Variants in AP1M1 observed in about 807,000 individuals in gnomAD.
AP1M1 encodes adaptor related protein complex 1 subunit mu 1.
In AP1M1, 18 loss-of-function variants were observed where a neutral mutation model predicts 57.1. The observed-to-expected ratio is 0.32, with a 90% CI of 0.22 to 0.47. AP1M1 has a LOEUF of 0.47. Among genes scored for constraint, AP1M1 ranks in the 20% least tolerant of loss-of-function variants. The probability of loss-of-function intolerance (pLI) is 1.00; values close to 1 mark genes in which losing one functional copy is unlikely to be tolerated. For missense variants in AP1M1, 362 were observed against 593.5 expected (o/e 0.61, Z 4.05); for synonymous variants, 241 against 237.9 (o/e 1.01, Z -0.12).
chr19:16,219,559 G>A (rs1186183621), intron 5 of AP1M1, among the ~76,000 whole-genome samples: 11 of 151,970 alleles, frequency 7.2e-5, no homozygotes, highest in Non-Finnish European at 1.3e-4. Flanking sequence ...CACCATGCCC[G>A]GCTAATTTTT....
At chr19:16,224,248 G>A (rs1189513727) in intron 5 of AP1M1, among the ~76,000 whole-genome samples, 2 of 152,254 alleles carry the variant, frequency 1.3e-5, no homozygotes, top group Non-Finnish European at 2.9e-5. Context: ...CGAAAACAGG[G>A]TCCATCTGGG....
At chr19:16,231,089 C>G (rs1339575238) in intron 9 of AP1M1, among the ~76,000 whole-genome samples, 1 of 151,866 alleles carries the variant, frequency 6.6e-6, no homozygotes, top group African/African-American at 2.4e-5. Context: ...GAGATCAAGA[C>G]CATCCTGGCT....
In AP1M1 at chr19:16,228,109, T is replaced by C. The variant is rs746300730; in HGVS notation, c.817-28T>C. 6.2e-7 allele frequency: 1 copy of C among 1,612,156 alleles called. No individual in the cohort carries two copies. The highest frequency in any genetic ancestry group is 2.2e-5 in the East Asian group (1 of 44,850). On this transcript the variant is annotated intron_variant, in intron 7 of 11. Coordinates refer to ENST00000291439, the MANE Select transcript of AP1M1 (RefSeq NM_032493.4). The surrounding 1 kb of genome is among the most constrained non-coding windows in gnomAD (Gnocchi z 5.0). The stretch of plus-strand genomic sequence containing the variant: ...GGCCTTTGTCAAACAAGGCCAGGTG[T>C]GAGCACCCTCTTTGCCCTCCTTGGC...
intron 1 of AP1M1, among the ~76,000 whole-genome samples, chr19:16,202,064 G>A (rs76854104): frequency 0.012 from 1,802 of 152,248 alleles, 44 homozygotes; most frequent in African/African-American, 0.041. Flanking sequence ...AGCAGGGGGA[G>A]GGGCTGTTCC....
In AP1M1 at chr19:16,207,984, C is replaced by CCT. The variant is rs1296555945; in HGVS notation, c.268-33_268-32dup. On this transcript the variant is annotated intron_variant, in intron 3 of 11. Coordinates refer to ENST00000291439, the MANE Select transcript of AP1M1 (RefSeq NM_032493.4). The surrounding 1 kb of genome is among the most constrained non-coding windows in gnomAD (Gnocchi z 4.2). Reference sequence around the variant, plus strand: ...CCTCATCCGTCCGCTCAATGATCTGCCTCCCATTCCTCCCTCCCTCCCCAA... The same window carrying CCT: ...CCTCATCCGTCCGCTCAATGATCTGCCTCTCCCATTCCTCCCTCCCTCCCCAA... The CCT allele has an allele frequency of 3.1e-6, 5 of 1,594,486 alleles. No homozygotes were observed. Among genetic ancestry groups the CCT allele is most frequent in the Admixed American group, 3.5e-5 (2 of 57,072 alleles).
chr19:16,197,982 C>CGCCGCCACCGCCCTCGGCCGCTGCT lies in AP1M1; in HGVS notation c.-21_-20insTGCCGCCACCGCCCTCGGCCGCTGC. 1.3e-6 allele frequency: 2 copies of CGCCGCCACCGCCCTCGGCCGCTGCT among 1,531,754 alleles called. No individual in the cohort carries two copies. Among genetic ancestry groups the CGCCGCCACCGCCCTCGGCCGCTGCT allele is most frequent in the Non-Finnish European group, 1.8e-6 (2 of 1,139,444 alleles). The allele number at this position is 1,531,754 out of a possible 1,614,324, so 94.9% of individuals were successfully genotyped here. A position where few individuals can be genotyped will look rare whatever the true frequency, so the allele number is the denominator to read the frequency against. The stretch of plus-strand genomic sequence containing the variant: ...GCCCAGCAGTCCCCACCGTCGCTGC[C>CGCCGCCACCGCCCTCGGCCGCTGCT]GCCGCCACCGCCCTCGGCCGCTGCC... On this transcript the variant is annotated 5_prime_UTR_variant, in exon 1 of 12. Coordinates refer to ENST00000291439, the MANE Select transcript of AP1M1 (RefSeq NM_032493.4).
intron 9 of AP1M1, among the ~76,000 whole-genome samples, chr19:16,230,920 T>C (rs1332541814): frequency 6.6e-6 from 1 of 152,088 alleles, no homozygotes; most frequent in African/African-American, 2.4e-5. Context: ...ATCAAGTTGA[T>C]GACAACCACA....
intron 9 of AP1M1, 29 bp from the exon 10 acceptor site, chr19:16,233,464 C>A: frequency 6.4e-7 from 1 of 1,570,404 alleles, no homozygotes. Flanking sequence ...AGGGCCTAGG[C>A]CTGAGCGCCT....
chr19:16,224,832 G>A (rs1450344832), intron 5 of AP1M1, among the ~76,000 whole-genome samples: 1 of 152,090 alleles, frequency 6.6e-6, no homozygotes, highest in East Asian at 1.9e-4. Flanking sequence ...CAATGCTCGG[G>A]CTCCTGGAGC....
chr19:16,223,033 TAA>T (rs1261958368), intron 5 of AP1M1, among the ~76,000 whole-genome samples: 14 of 152,166 alleles, frequency 9.2e-5, no homozygotes, highest in Non-Finnish European at 2.1e-4. Flanking sequence ...GTATGCTGAG[TAA>T]TTTTGGATTG....
chr19:16,225,413 C>T (rs1045286100), intron 5 of AP1M1, among the ~76,000 whole-genome samples: 1 of 152,218 alleles, frequency 6.6e-6, no homozygotes, highest in African/African-American at 2.4e-5. Flanking sequence ...AGGGCTGCAG[C>T]CCCAGCGATT....
chr19:16,225,831 G>A (rs926551250), intron 5 of AP1M1, among the ~76,000 whole-genome samples: 4 of 152,082 alleles, frequency 2.6e-5, no homozygotes, highest in Admixed American at 2.6e-4. Context: ...ATAAGCCCTG[G>A]GGGGTGAGGG....
In AP1M1 at chr19:16,197,975, T is replaced by TCGCTGCCGCCGCCGCCGCCCTCGGC; in HGVS notation, c.-39_-38insGCCGCCCTCGGCCGCTGCCGCCGCC. ...GCTCAACGCCCAGCAGTCCCCACCG[T>TCGCTGCCGCCGCCGCCGCCCTCGGC]CGCTGCCGCCGCCACCGCCCTCGGC... On this transcript the variant is annotated 5_prime_UTR_variant, in exon 1 of 12. Coordinates refer to ENST00000291439, the MANE Select transcript of AP1M1 (RefSeq NM_032493.4). 6.9e-7 allele frequency: 1 copy of TCGCTGCCGCCGCCGCCGCCCTCGGC among 1,451,820 alleles called. No individual in the cohort carries two copies. The highest frequency in any genetic ancestry group is 9.2e-7 in the Non-Finnish European group (1 of 1,087,934). 89.9% of individuals were successfully genotyped at this position (1,451,820 alleles called of 1,614,324 possible). A position where few individuals can be genotyped will look rare whatever the true frequency, so the allele number is the denominator to read the frequency against.
In AP1M1 at chr19:16,245,309, T is replaced by G. The variant is rs1231801514; in HGVS notation, c.*10874T>G. 2.0e-5 allele frequency: 3 copies of G among 151,978 alleles called. No individual in the cohort carries two copies. Among genetic ancestry groups the G allele is most frequent in the Admixed American group, 6.6e-5 (1 of 15,186 alleles). The allele number at this position is 151,978 out of a possible 1,614,324, so 9.4% of individuals were successfully genotyped here. Reference sequence around the variant, plus strand: ...TTTGTTTTGTTTTTTTGAGACAGAGTCTCACTCTGTCGCCCAGGCTGGAGT... The same window carrying G: ...TTTGTTTTGTTTTTTTGAGACAGAGGCTCACTCTGTCGCCCAGGCTGGAGT... On this transcript the variant is annotated 3_prime_UTR_variant, in exon 12 of 12. Transcript: ENST00000291439.
intron 9 of AP1M1, among the ~76,000 whole-genome samples, chr19:16,230,077 G>A (rs1174638511): frequency 6.6e-6 from 1 of 152,250 alleles, no homozygotes; most frequent in Non-Finnish European, 1.5e-5. Context: ...ATGGTGAGCT[G>A]TAGACGGGGG....
chr19:16,218,488 G>A (rs1042246013), intron 5 of AP1M1, among the ~76,000 whole-genome samples: 2 of 152,160 alleles, frequency 1.3e-5, no homozygotes, highest in African/African-American at 4.8e-5. Flanking sequence ...AGCCAGGAAT[G>A]ATTCCTGGTG....
At position 16,234,636 on chromosome 19, in the gene AP1M1, G is replaced by A. The variant is rs373218469; in HGVS notation, c.*201G>A. The A allele has an allele frequency of 4.7e-6, 3 of 632,922 alleles. No individual in the cohort carries two copies. The highest frequency in any genetic ancestry group is 3.7e-5 in the African/African-American group (2 of 54,542). 39.2% of individuals were successfully genotyped at this position (632,922 alleles called of 1,614,324 possible). A position where few individuals can be genotyped will look rare whatever the true frequency, so the allele number is the denominator to read the frequency against. ...AGAAGCCCCTTTCCCAGAAGAGGCT[G>A]GTCTTCAAGAAGTCTCGTTTCTTTG... is the stretch of plus-strand genomic sequence containing the variant. On this transcript the variant is annotated 3_prime_UTR_variant, in exon 12 of 12. Transcript: ENST00000291439.
rs1374657394 is a variant in AP1M1 at position 16,241,525 on chromosome 19, G to C, written c.*7090G>C. On this transcript the variant is annotated 3_prime_UTR_variant, in exon 12 of 12. Coordinates refer to ENST00000291439, the MANE Select transcript of AP1M1 (RefSeq NM_032493.4). ...GACAAAAGGCGCAACTGAAGTACTA[G>C]ACAACATCCTGGTGTTCATGCCTTT... 1 of 152,174 alleles carries C rather than the reference G, an allele frequency of 6.6e-6. No individual in the cohort carries two copies. The highest frequency in any genetic ancestry group is 1.5e-5 in the Non-Finnish European group (1 of 68,038). The allele number at this position is 152,174 out of a possible 1,614,324, so 9.4% of individuals were successfully genotyped here.
Position 16,206,302 on chromosome 19 carries a change from C to G in AP1M1, c.200-39C>G. ...AACCAGGATCTTCCAGGCAGCAGCC[C>G]CAGCCTCTGAATGCTCCTTAACTGT... is the stretch of plus-strand genomic sequence containing the variant. On this transcript the variant is annotated intron_variant, in intron 2 of 11. Transcript: ENST00000291439. This position sits in a 1 kb window ranked among gnomAD's most constrained non-coding sequence, Gnocchi z 4.3. 1 of 1,609,010 alleles carries G rather than the reference C, an allele frequency of 6.2e-7. No homozygotes were observed. Among genetic ancestry groups the G allele is most frequent in the Non-Finnish European group, 8.5e-7 (1 of 1,175,568 alleles).
Sources: gnomAD v4.1 joint callset for allele counts (sites outside exome capture counted in the v4.1 genomes callset) on GRCh38, gnomAD v4.1.1 for gene constraint, Gnocchi (gnomAD v3.1) non-coding constraint, MANE v1.5 for transcripts, NCBI Gene and HGNC (gene_info 2026-07-23, HGNC 2026-07-21) for gene names.